RTL4: variants seen among roughly 807,000 people sequenced by gnomAD.
The protein encoded by RTL4 is retrotransposon Gag-like protein 4.
RTL4 carries 4 observed loss-of-function variants against 5.3 expected under a neutral mutation model. That is an observed-to-expected ratio of 0.75 (90% CI 0.37 to 1.72). The LOEUF is 1.72. Ranked by LOEUF, RTL4 falls within the 40% of genes most tolerant of loss-of-function variation. The pLI is 0.04. For synonymous variants in RTL4, 98 were observed against 87.3 expected (o/e 1.12, Z -0.68); for missense variants, 260 against 227.1 (o/e 1.14, Z -0.93).
chrX:112,292,937 T>C, the RTL4 span, among the ~76,000 whole-genome samples: 1 of 112,126 alleles, frequency 8.9e-6, no homozygotes. Context: ...TACATCTAAC[T>C]TCCCAAGAAC....
chrX:112,226,935 T>C, the RTL4 span, among the ~76,000 whole-genome samples: 4 of 78,914 alleles, frequency 5.1e-5, no homozygotes, highest in Admixed American at 6.0e-4. Context: ...AAAAATAAAA[T>C]AAAATAAAAT....
the RTL4 span, among the ~76,000 whole-genome samples, chrX:112,176,980 C>A: frequency 2.7e-5 from 3 of 110,603 alleles, no homozygotes; most frequent in Non-Finnish European, 3.8e-5. Context: ...CCAGTTCCAT[C>A]CATGTTGCAG....
chrX:112,130,932 T>A, the RTL4 span, among the ~76,000 whole-genome samples: 1 of 107,976 alleles, frequency 9.3e-6, no homozygotes, highest in Admixed American at 9.9e-5. Flanking sequence ...TAGCTGGGAC[T>A]ACAGGCTCCC....
the RTL4 span, among the ~76,000 whole-genome samples, chrX:112,221,878 C>T: frequency 8.9e-6 from 1 of 112,674 alleles, no homozygotes; most frequent in Non-Finnish European, 1.9e-5. Context: ...GGTCTTGTTA[C>T]CTGTGAGCTT....
At chrX:112,327,199 A>G in the RTL4 span, among the ~76,000 whole-genome samples, 1 of 112,129 alleles carries the variant, frequency 8.9e-6, no homozygotes, top group Admixed American at 9.5e-5. Flanking sequence ...CAGATGATCA[A>G]ATCACTCCGA....
the RTL4 span, among the ~76,000 whole-genome samples, chrX:112,352,709 C>T: frequency 9.1e-6 from 1 of 109,983 alleles, no homozygotes; most frequent in African/African-American, 3.3e-5. Flanking sequence ...TACATGTTGG[C>T]CTAAAAACCA....
the RTL4 span, among the ~76,000 whole-genome samples, chrX:112,397,709 A>G: frequency 8.9e-6 from 1 of 111,747 alleles, no homozygotes. Flanking sequence ...GATCTTATAC[A>G]TGTTTTAGAA....
chrX:112,242,498 G>A, the RTL4 span, among the ~76,000 whole-genome samples: 3 of 111,462 alleles, frequency 2.7e-5, no homozygotes, highest in Non-Finnish European at 5.6e-5. Flanking sequence ...CACTCTGTTT[G>A]TCTGTTATTG....
At chrX:112,237,614 A>G in the RTL4 span, among the ~76,000 whole-genome samples, 1 of 112,657 alleles carries the variant, frequency 8.9e-6, no homozygotes, top group African/African-American at 3.2e-5. Flanking sequence ...CTCCAAGCTT[A>G]TACAGCTCAA....
At chrX:112,308,169 G>A in the RTL4 span, among the ~76,000 whole-genome samples, 1 of 111,341 alleles carries the variant, frequency 9.0e-6, no homozygotes, top group Non-Finnish European at 1.9e-5. Context: ...AGAATGGGGT[G>A]AGCGGGGTTA....
the RTL4 span, among the ~76,000 whole-genome samples, chrX:112,194,386 G>A: frequency 1.8e-5 from 2 of 110,695 alleles, no homozygotes; most frequent in Admixed American, 9.7e-5. Flanking sequence ...TTTATGAAGA[G>A]ACGTCAGAGA....
At chrX:112,423,376 C>A in the RTL4 span, among the ~76,000 whole-genome samples, 1 of 110,397 alleles carries the variant, frequency 9.1e-6, no homozygotes, top group Non-Finnish European at 1.9e-5. Flanking sequence ...ATAGCACCCC[C>A]TGCCCCCCGC....
At chrX:112,326,168 G>A in the RTL4 span, among the ~76,000 whole-genome samples, 1 of 111,804 alleles carries the variant, frequency 8.9e-6, no homozygotes, top group African/African-American at 3.3e-5. Context: ...GGCCGAATAG[G>A]AACAGTTCCA....
At chrX:112,158,322 G>A in the RTL4 span, among the ~76,000 whole-genome samples, 22 of 111,205 alleles carry the variant, frequency 2.0e-4, no homozygotes, top group African/African-American at 5.2e-4. Flanking sequence ...TTTTTACTGT[G>A]TAAAATGTAG....
At chrX:112,332,702 G>A in the RTL4 span, among the ~76,000 whole-genome samples, 1 of 105,347 alleles carries the variant, frequency 9.5e-6, no homozygotes, top group Non-Finnish European at 2.0e-5. Context: ...GAGGGAGAAG[G>A]GATAGCATTA....
At chrX:112,350,242 G>T in the RTL4 span, among the ~76,000 whole-genome samples, 1 of 110,410 alleles carries the variant, frequency 9.1e-6, no homozygotes, top group South Asian at 3.9e-4. Flanking sequence ...TAAGCTTTTT[G>T]ATGTGCTGCT....
the RTL4 span, among the ~76,000 whole-genome samples, chrX:112,391,852 G>A: frequency 1.8e-5 from 2 of 111,541 alleles, no homozygotes; most frequent in East Asian, 5.7e-4. Flanking sequence ...AGACAGAAGA[G>A]AAAGGGACAT....
chrX:112,296,611 C>CTT, the RTL4 span, among the ~76,000 whole-genome samples: 12 of 92,509 alleles, frequency 1.3e-4, no homozygotes, highest in African/African-American at 4.4e-4. Context: ...TTCTTTTCTT[C>CTT]TTTTTTTTTT....
At chrX:112,095,640 T>G in the RTL4 span, among the ~76,000 whole-genome samples, 2 of 110,952 alleles carry the variant, frequency 1.8e-5, no homozygotes, top group Non-Finnish European at 3.8e-5. Flanking sequence ...AGAGCCTCAT[T>G]GTCTTGAGAA....
Sources: gnomAD v4.1 joint callset for allele counts (sites outside exome capture counted in the v4.1 genomes callset) on GRCh38, gnomAD v4.1.1 for gene constraint, MANE v1.5 for transcripts, NCBI Gene and HGNC (gene_info 2026-07-23, HGNC 2026-07-21) for gene names.